Variants in ADGRB3 observed in about 807,000 individuals in gnomAD.
The protein encoded by ADGRB3 is brain-specific angiogenesis inhibitor 3.
Under a neutral mutation model 193.4 loss-of-function variants are expected in ADGRB3, and 37 were observed. The observed-to-expected ratio is 0.19, with a 90% confidence interval of 0.15 to 0.25. The LOEUF is 0.25. Among genes scored for constraint, ADGRB3 ranks in the 10% least tolerant of loss-of-function variants. ADGRB3 has a pLI of 1.00. For synonymous variants in ADGRB3, 690 were observed against 644.2 expected, an observed-to-expected ratio of 1.07 and a Z score of -1.08; for missense variants, 1,637 against 1,852.9, an observed-to-expected ratio of 0.88 and a Z score of 2.14.
At chr6:69,385,882 C>G (rs988080592) in intron 31 of ADGRB3, among the ~76,000 whole-genome samples, 1 of 152,096 alleles carries the variant, frequency 6.6e-6, no homozygotes, top group Admixed American at 6.5e-5. Flanking sequence ...ACGCCCAACA[C>G]GCAGGACGAT....
At chr6:68,921,246 C>A (rs185200829) in intron 3 of ADGRB3, among the ~76,000 whole-genome samples, 97 of 152,042 alleles carry the variant, frequency 6.4e-4, no homozygotes, top group Non-Finnish European at 1.1e-3. Flanking sequence ...TAAAATCCGA[C>A]TATATATGTT....
At chr6:68,695,639 G>T (rs772021042) in intron 3 of ADGRB3, among the ~76,000 whole-genome samples, 14 of 151,936 alleles carry the variant, frequency 9.2e-5, no homozygotes, top group Non-Finnish European at 1.5e-4. Flanking sequence ...ACTGGGACCG[G>T]ACATGAGTGA....
In ADGRB3 at chr6:69,352,042, T is replaced by A. The variant is rs187704227; in HGVS notation, c.3460-2191T>A. ...TCTTTCTTTAATAGTTGCCTTGAGG[T>A]GCAAACAGAAAGTTAATATGTACCT... On this transcript the variant is annotated intron_variant, in intron 26 of 31. Transcript: ENST00000370598. 2.0e-3 allele frequency among the ~76,000 whole-genome samples: 298 copies of A among 152,332 alleles called. 2 individuals are homozygous for A. Among genetic ancestry groups the A allele is most frequent in the South Asian group, 0.011 (55 of 4,832 alleles).
Position 68,635,308 on chromosome 6 carries a change from A to G in ADGRB3, c.-880A>G, listed in dbSNP as rs1395080913. 6.6e-6 allele frequency: 1 copy of G among 150,716 alleles called. No homozygotes were observed. The highest frequency in any genetic ancestry group is 2.4e-5 in the African/African-American group (1 of 41,038). 9.3% of individuals were successfully genotyped at this position (150,716 alleles called of 1,614,324 possible). On this transcript the variant is annotated 5_prime_UTR_variant, in exon 1 of 32. Coordinates refer to ENST00000370598, the MANE Select transcript of ADGRB3 (RefSeq NM_001704.3). ...CTGCGCGCCGGCGCGCACACCCGAGACAGAGCTTTACTATCTCGCTCCCTC... is the reference window on the plus strand; with the variant it reads ...CTGCGCGCCGGCGCGCACACCCGAGGCAGAGCTTTACTATCTCGCTCCCTC...
chr6:69,269,024 A>G (rs1308130219), intron 20 of ADGRB3, among the ~76,000 whole-genome samples: 1 of 152,102 alleles, frequency 6.6e-6, no homozygotes, highest in Non-Finnish European at 1.5e-5. Flanking sequence ...TTTATTGAGC[A>G]TTTACTTTGT....
At chr6:69,236,582 C>T (rs1766272718) in intron 19 of ADGRB3, among the ~76,000 whole-genome samples, 2 of 152,074 alleles carry the variant, frequency 1.3e-5, no homozygotes, top group Admixed American at 6.6e-5. Flanking sequence ...CATTTAAAGA[C>T]TAGGAATTTG....
intron 20 of ADGRB3, among the ~76,000 whole-genome samples, chr6:69,282,296 G>T (rs1767453568): frequency 6.6e-6 from 1 of 152,132 alleles, no homozygotes; most frequent in East Asian, 1.9e-4. Context: ...ACTAAATGAT[G>T]AGATGGGCTT....
At chr6:69,365,300 C>T (rs1468943098) in intron 29 of ADGRB3, among the ~76,000 whole-genome samples, 1 of 152,010 alleles carries the variant, frequency 6.6e-6, no homozygotes, top group Non-Finnish European at 1.5e-5. Context: ...ACTCTTTCTG[C>T]TTTTGGAAGC....
At chr6:69,106,532 T>C (rs934091994) in intron 17 of ADGRB3, among the ~76,000 whole-genome samples, 7 of 152,214 alleles carry the variant, frequency 4.6e-5, no homozygotes, top group African/African-American at 1.7e-4. Flanking sequence ...AGTATCTAAG[T>C]AAGTAAAAGC....
chr6:69,007,977 AC>A (rs764040923), intron 11 of ADGRB3, among the ~76,000 whole-genome samples: 37 of 152,094 alleles, frequency 2.4e-4, no homozygotes, highest in South Asian at 8.3e-4. Flanking sequence ...GAGGTGAGGA[AC>A]CCTGCGTCCT....
chr6:69,372,613 A>C (rs1195332446), intron 30 of ADGRB3, among the ~76,000 whole-genome samples, 172 bp downstream of exon 30: 2 of 152,078 alleles, frequency 1.3e-5, no homozygotes, highest in East Asian at 3.9e-4. Context: ...GAAATTTTTA[A>C]ATTTTGAATT....
intron 13 of ADGRB3, among the ~76,000 whole-genome samples, chr6:69,030,101 A>G (rs1031633828): frequency 3.3e-5 from 5 of 152,072 alleles, no homozygotes; most frequent in African/African-American, 1.2e-4. Flanking sequence ...AATCATTAAA[A>G]AGTCAGGAAA....
chr6:68,930,338 C>T (rs1767304319), intron 3 of ADGRB3, among the ~76,000 whole-genome samples: 1 of 151,900 alleles, frequency 6.6e-6, no homozygotes, highest in Non-Finnish European at 1.5e-5. Context: ...TCTGTTGTGT[C>T]ATTTTATTGA....
intron 17 of ADGRB3, among the ~76,000 whole-genome samples, chr6:69,214,515 G>C (rs200596877): frequency 6.6e-6 from 1 of 152,058 alleles, no homozygotes; most frequent in Non-Finnish European, 1.5e-5. Flanking sequence ...TTCTGGCAAA[G>C]ATCAACCAAG....
intron 20 of ADGRB3, among the ~76,000 whole-genome samples, chr6:69,280,212 T>C (rs1327531673): frequency 6.6e-6 from 1 of 152,216 alleles, no homozygotes; most frequent in Non-Finnish European, 1.5e-5. Flanking sequence ...AGATGGCCTG[T>C]GGAAGTCAGT....
chr6:68,638,675 G>C lies in ADGRB3; in HGVS notation c.-1G>C. The C allele has an allele frequency of 6.2e-7, 1 of 1,611,650 alleles. No individual in the cohort carries two copies. Among genetic ancestry groups the C allele is most frequent in the South Asian group, 1.1e-5 (1 of 90,894 alleles). On this transcript the variant is annotated 5_prime_UTR_variant, in exon 3 of 32. Transcript: ENST00000370598. ...CATTTTTACAGGCCAAATGACATAGGATGAAGGCTGTTCGTAACCTGCTGA... is the reference window on the plus strand; with the variant it reads ...CATTTTTACAGGCCAAATGACATAGCATGAAGGCTGTTCGTAACCTGCTGA...
At chr6:69,107,970 C>G (rs1368446053) in intron 17 of ADGRB3, among the ~76,000 whole-genome samples, 2 of 151,658 alleles carry the variant, frequency 1.3e-5, no homozygotes, top group Non-Finnish European at 2.9e-5. Flanking sequence ...CATTCATACC[C>G]CAAACCTCAG....
At chr6:69,307,091 A>G (rs538005595) in intron 20 of ADGRB3, among the ~76,000 whole-genome samples, 1 of 151,302 alleles carries the variant, frequency 6.6e-6, no homozygotes, top group South Asian at 2.1e-4. Context: ...TGCTTCCAAC[A>G]ACTTTCTTGC....
intron 11 of ADGRB3, among the ~76,000 whole-genome samples, chr6:69,001,621 TGGAA>T (rs1769579746): frequency 6.6e-6 from 1 of 152,010 alleles, no homozygotes; most frequent in Admixed American, 6.5e-5. Context: ...AACATCTTCA[TGGAA>T]GGAAAGAAAG....
Sources: allele counts gnomAD v4.1 joint callset (sites outside exome capture counted in the v4.1 genomes callset), GRCh38; gene constraint gnomAD v4.1.1; transcripts MANE v1.5; gene names NCBI Gene and HGNC (gene_info 2026-07-23, HGNC 2026-07-21).